The following INSL6 variants were observed in gnomAD, a reference collection of about 807,000 sequenced individuals.
INSL6 encodes insulin like 6.
Under a neutral mutation model 9.4 loss-of-function variants are expected in INSL6, and 16 were observed. That is an observed-to-expected ratio of 1.70 (90% confidence interval 1.15 to 2.59). The LOEUF is 2.59. Ranked by LOEUF, INSL6 falls within the 30% of genes most tolerant of loss-of-function variation. INSL6 has a pLI of 0.00. For missense variants in INSL6, 391 were observed against 257.3 expected, an observed-to-expected ratio of 1.52 and a Z score of -3.56; for synonymous variants, 154 against 96.9, an observed-to-expected ratio of 1.59 and a Z score of -3.46.
At chr9:5,106,541 C>T in the INSL6 span, among the ~76,000 whole-genome samples, 1 of 152,062 alleles carries the variant, frequency 6.6e-6, no homozygotes, top group Admixed American at 6.5e-5. Context: ...CCAGCCATCC[C>T]ATTACTGGGT....
the INSL6 span, among the ~76,000 whole-genome samples, chr9:5,028,237 A>T: frequency 6.6e-6 from 1 of 152,226 alleles, no homozygotes; most frequent in African/African-American, 2.4e-5. Flanking sequence ...TTCAATGTAC[A>T]TCTTCATCAG....
the INSL6 span, among the ~76,000 whole-genome samples, chr9:5,034,947 G>A: frequency 2.0e-5 from 3 of 152,092 alleles, no homozygotes; most frequent in Non-Finnish European, 4.4e-5. Flanking sequence ...ATGAATGCTG[G>A]AGCTGGTGTT....
intron 2 of INSL6, among the ~76,000 whole-genome samples, chr9:5,156,067 G>C (rs1824810224): frequency 6.6e-6 from 1 of 152,102 alleles, no homozygotes; most frequent in Admixed American, 6.6e-5. Flanking sequence ...AGGATGGTCA[G>C]GGAATATGAT....
At chr9:5,041,846 G>C in the INSL6 span, 2 of 470,744 alleles carry the variant, frequency 4.2e-6, no homozygotes, top group Non-Finnish European at 8.5e-6. Flanking sequence ...ATGGGGAGCT[G>C]AACGCGGACG....
At chr9:5,027,322 T>G in the INSL6 span, among the ~76,000 whole-genome samples, 1 of 152,216 alleles carries the variant, frequency 6.6e-6, no homozygotes, top group Admixed American at 6.5e-5. Flanking sequence ...TATGTTTAAA[T>G]TATTCTGTAG....
intron 2 of INSL6, among the ~76,000 whole-genome samples, chr9:5,141,939 G>A (rs1824509189): frequency 6.6e-6 from 1 of 152,160 alleles, no homozygotes; most frequent in Non-Finnish European, 1.5e-5. Flanking sequence ...CATATGGCTA[G>A]CAAGTTATCC....
At chr9:5,041,919 A>C in the INSL6 span, 1 of 394,918 alleles carries the variant, frequency 2.5e-6, no homozygotes, top group East Asian at 6.5e-5. Flanking sequence ...TGGGCGATGA[A>C]ACGAAATGCT....
At chr9:5,088,205 A>G in the INSL6 span, among the ~76,000 whole-genome samples, 13 of 152,154 alleles carry the variant, frequency 8.5e-5, no homozygotes, top group Non-Finnish European at 1.2e-4. Flanking sequence ...TCTAGTTCCA[A>G]TCTGACTTGA....
At chr9:4,994,909 A>G in the INSL6 span, among the ~76,000 whole-genome samples, 1 of 151,866 alleles carries the variant, frequency 6.6e-6, no homozygotes, top group East Asian at 1.9e-4. Flanking sequence ...TTAGAATTCA[A>G]AAAGTAGTAA....
chr9:5,028,991 CTT>C, the INSL6 span, among the ~76,000 whole-genome samples: 19 of 152,182 alleles, frequency 1.2e-4, no homozygotes, highest in African/African-American at 4.6e-4. Flanking sequence ...CATTCAAAAA[CTT>C]TTTCTTTGCA....
At chr9:5,024,337 A>T in the INSL6 span, among the ~76,000 whole-genome samples, 1 of 152,026 alleles carries the variant, frequency 6.6e-6, no homozygotes, top group East Asian at 1.9e-4. Flanking sequence ...TTTTTTTGAC[A>T]GATTTTATTG....
the INSL6 span, among the ~76,000 whole-genome samples, chr9:5,086,978 C>T: frequency 2.0e-5 from 3 of 152,096 alleles, no homozygotes; most frequent in Non-Finnish European, 4.4e-5. Flanking sequence ...TTTCCTAGTA[C>T]GGGAACAATA....
At chr9:5,051,886 T>C in the INSL6 span, among the ~76,000 whole-genome samples, 1 of 152,244 alleles carries the variant, frequency 6.6e-6, no homozygotes. Context: ...TTCAGATGTC[T>C]GTTAGGTCTT....
the INSL6 span, among the ~76,000 whole-genome samples, chr9:5,034,255 C>G: frequency 6.6e-6 from 1 of 152,068 alleles, no homozygotes; most frequent in Non-Finnish European, 1.5e-5. Context: ...TCCTTAGAGA[C>G]CTACAAAGAG....
the INSL6 span, among the ~76,000 whole-genome samples, chr9:5,016,724 C>G: frequency 6.6e-6 from 1 of 152,106 alleles, no homozygotes; most frequent in South Asian, 2.1e-4. Context: ...TCTCCCTGTA[C>G]CTCCTGCCAG....
the INSL6 span, among the ~76,000 whole-genome samples, chr9:5,034,586 A>T: frequency 6.6e-6 from 1 of 151,978 alleles, no homozygotes; most frequent in Non-Finnish European, 1.5e-5. Context: ...TAAGAAACTC[A>T]CTCAAAACCA....
At chr9:5,111,013 G>T in the INSL6 span, 1 of 757,278 alleles carries the variant, frequency 1.3e-6, no homozygotes, top group East Asian at 3.3e-5. Flanking sequence ...CAACGGGAAG[G>T]GCCGGCCCGC....
the INSL6 span, among the ~76,000 whole-genome samples, chr9:5,103,475 G>C: frequency 3.3e-5 from 5 of 151,970 alleles, no homozygotes; most frequent in African/African-American, 1.2e-4. Context: ...AATAATGGGA[G>C]ACTTTAACAC....
In INSL6 at chr9:5,135,135, C is replaced by A. The variant is rs532013266; in HGVS notation, c.377-1543G>T. On this transcript the variant is annotated intron_variant, in intron 2 of 3. Transcript: ENST00000649639. ...GAATCAATGCAACAAGAAGAGCTAA[C>A]TATCCTAAATATATATGCACCCAAT... Among the ~76,000 whole-genome samples the A allele has an allele frequency of 2.0e-4, 30 of 152,280 alleles. No homozygotes were observed. The South Asian group carries it at 5.2e-3, about 26-fold the overall frequency.
Sources: gnomAD v4.1 joint callset for allele counts (sites outside exome capture counted in the v4.1 genomes callset) on GRCh38, gnomAD v4.1.1 for gene constraint, MANE v1.5 for transcripts, NCBI Gene and HGNC (gene_info 2026-07-23, HGNC 2026-07-21) for gene names.